The following FRMD3 variants were observed in gnomAD, a reference collection of about 807,000 sequenced individuals.
FRMD3 encodes FERM domain containing 3, also known as FERM domain-containing protein 3.
FRMD3 carries 33 observed loss-of-function variants against 70.2 expected under a neutral mutation model. The ratio of observed to expected loss-of-function variants is 0.47; its 90% CI spans 0.36 to 0.63. The LOEUF is 0.63. Ranked by LOEUF, FRMD3 falls within the 20% of genes least tolerant of loss-of-function variation. The probability of loss-of-function intolerance (pLI) is 0.00; values close to 1 mark genes in which losing one functional copy is unlikely to be tolerated. For missense variants in FRMD3, 632 were observed against 711.4 expected, an observed-to-expected ratio of 0.89 and a Z score of 1.27; for synonymous variants, 279 against 255.9, an observed-to-expected ratio of 1.09 and a Z score of -0.86.
At chr9:83,418,040 G>A (rs1826506934) in intron 1 of FRMD3, among the ~76,000 whole-genome samples, 1 of 151,268 alleles carries the variant, frequency 6.6e-6, no homozygotes, top group Non-Finnish European at 1.5e-5. Context: ...TGAACACCGT[G>A]CTTTTGAAGA....
At chr9:83,495,400 A>C (rs980927972) in intron 1 of FRMD3, among the ~76,000 whole-genome samples, 1 of 152,226 alleles carries the variant, frequency 6.6e-6, no homozygotes, top group Non-Finnish European at 1.5e-5. Flanking sequence ...AGACTGGAGC[A>C]GGTTAATAAA....
At chr9:83,571,354 C>A in the FRMD3 span, among the ~76,000 whole-genome samples, 2 of 152,320 alleles carry the variant, frequency 1.3e-5, no homozygotes, top group African/African-American at 2.4e-5. Context: ...AAATTAGCAT[C>A]TTTTCTTTAT....
chr9:83,449,244 C>T (rs529847244), intron 1 of FRMD3, among the ~76,000 whole-genome samples: 17 of 152,318 alleles, frequency 1.1e-4, no homozygotes, highest in Middle Eastern at 6.8e-3. Context: ...TGTTATTATC[C>T]ACATTTTACA....
intron 8 of FRMD3, among the ~76,000 whole-genome samples, chr9:83,311,652 C>T (rs1835361253): frequency 6.6e-6 from 1 of 151,988 alleles, no homozygotes; most frequent in Middle Eastern, 3.2e-3. Flanking sequence ...CACTGGATAC[C>T]TTCTCTTTGA....
intron 3 of FRMD3, 111 bp downstream of exon 3, chr9:83,372,802 C>G: frequency 1.0e-6 from 1 of 990,718 alleles, no homozygotes; most frequent in Non-Finnish European, 1.6e-6. Flanking sequence ...CCCCACACCC[C>G]CCAACACCTC....
chr9:83,484,686 G>A (rs1036188702), intron 1 of FRMD3, among the ~76,000 whole-genome samples: 3 of 152,192 alleles, frequency 2.0e-5, no homozygotes, highest in Admixed American at 2.0e-4. Flanking sequence ...TCAAAGTGCT[G>A]GGATTACATG....
intron 1 of FRMD3, among the ~76,000 whole-genome samples, chr9:83,402,898 C>CTTTTTTTTTTTTTTT (rs559570925): frequency 1.1e-4 from 10 of 87,298 alleles, no homozygotes; most frequent in African/African-American, 3.6e-4. Flanking sequence ...TTCTTTCTTT[C>CTTTTTTTTTTTTTTT]TTTTTTTTTT....
intron 1 of FRMD3, among the ~76,000 whole-genome samples, chr9:83,454,307 A>T (rs1827754537): frequency 6.6e-6 from 1 of 152,226 alleles, no homozygotes; most frequent in Non-Finnish European, 1.5e-5. Flanking sequence ...TTATTCTACC[A>T]CTGCCAGTGG....
Position 83,247,120 on chromosome 9 carries a change from T to C in FRMD3, c.*798A>G. ...AAAATAACAAGTCCTCTTGTCCAAA[T>C]ACTTTGAAAAATGGACCACCCTGAG... On this transcript the variant is annotated 3_prime_UTR_variant, in exon 14 of 14. Coordinates refer to ENST00000304195, the MANE Select transcript of FRMD3 (RefSeq NM_174938.6). The C allele has an allele frequency of 1.0e-6, 1 of 985,412 alleles. No individual in the cohort carries two copies. Among genetic ancestry groups the C allele is most frequent in the Non-Finnish European group, 1.2e-6 (1 of 829,928 alleles). The allele number at this position is 985,412 out of a possible 1,614,324, so 61.0% of individuals were successfully genotyped here.
intron 13 of FRMD3, among the ~76,000 whole-genome samples, chr9:83,281,000 T>C (rs1467521036): frequency 6.6e-6 from 1 of 152,142 alleles, no homozygotes; most frequent in Non-Finnish European, 1.5e-5. Context: ...GAACCTTGCC[T>C]GTATTGCCTC....
chr9:83,528,638 T>A (rs577334590), intron 1 of FRMD3, among the ~76,000 whole-genome samples: 20 of 152,126 alleles, frequency 1.3e-4, no homozygotes, highest in African/African-American at 4.3e-4. Flanking sequence ...TAAGCAATCC[T>A]CCCACCTCAG....
chr9:83,491,546 C>T (rs1157240963), intron 1 of FRMD3, among the ~76,000 whole-genome samples: 1 of 152,130 alleles, frequency 6.6e-6, no homozygotes, highest in Non-Finnish European at 1.5e-5. Context: ...GCCCAGGGGT[C>T]AGCATAGGGC....
chr9:83,423,093 A>G (rs947790938), intron 1 of FRMD3, among the ~76,000 whole-genome samples: 1 of 152,218 alleles, frequency 6.6e-6, no homozygotes, highest in Non-Finnish European at 1.5e-5. Context: ...ACCAATTTCG[A>G]TATTTTGAAG....
At chr9:83,541,750 G>C (rs538735361), upstream of FRMD3, among the ~76,000 whole-genome samples, 21 of 152,274 alleles carry the variant, frequency 1.4e-4, no homozygotes, top group South Asian at 2.7e-3. Flanking sequence ...TGGTACCCAA[G>C]TAGACTTCAG....
chr9:83,269,038 G>A (rs1294822991), intron 13 of FRMD3, among the ~76,000 whole-genome samples: 1 of 152,192 alleles, frequency 6.6e-6, no homozygotes, highest in African/African-American at 2.4e-5. Flanking sequence ...AATGGTTCTT[G>A]AAGAACTACT....
At chr9:83,267,721 T>C (rs1282930130) in intron 13 of FRMD3, among the ~76,000 whole-genome samples, 2 of 152,224 alleles carry the variant, frequency 1.3e-5, no homozygotes, top group African/African-American at 4.8e-5. Context: ...TATCAAAATT[T>C]ATTAATAATT....
In FRMD3 at chr9:83,246,390, C is replaced by T. The variant is rs1158157720; in HGVS notation, c.*1528G>A. 4 of 984,850 alleles carry T rather than the reference C, an allele frequency of 4.1e-6. No homozygotes were observed. The highest frequency in any genetic ancestry group is 3.6e-6 in the Non-Finnish European group (3 of 829,568). 61.0% of individuals were successfully genotyped at this position (984,850 alleles called of 1,614,324 possible). ...CAATGCTCTAGTACCTTCCTTGATA[C>T]CATTAAATTGTTGGATTAAATCCTT... On this transcript the variant is annotated 3_prime_UTR_variant, in exon 14 of 14. Transcript: ENST00000304195.
rs915339784 is a variant in FRMD3, at chr9:83,471,720, G to T, written c.147+66365C>A. 2.0e-5 allele frequency among the ~76,000 whole-genome samples: 3 copies of T among 152,232 alleles called. No individual in the cohort carries two copies. In the East Asian group the frequency reaches 5.8e-4, roughly 29 times the overall value. ...CTAGATGGTCTCTGAGAAGACCTGGGAGGTTTATTTTACCAACAGAAACAT... is the reference window on the plus strand; with the variant it reads ...CTAGATGGTCTCTGAGAAGACCTGGTAGGTTTATTTTACCAACAGAAACAT... On this transcript the variant is annotated intron_variant, in intron 1 of 13. Coordinates refer to ENST00000304195, the MANE Select transcript of FRMD3 (RefSeq NM_174938.6).
chr9:83,343,415 C>T (rs763334108), intron 4 of FRMD3, 128 bp from the exon 5 acceptor site: 95 of 645,374 alleles, frequency 1.5e-4, no homozygotes, highest in Non-Finnish European at 2.5e-4. Context: ...TTAGACATGC[C>T]CAGCCCTTTG....
Sources: gnomAD v4.1 joint callset for allele counts (sites outside exome capture counted in the v4.1 genomes callset) on GRCh38, gnomAD v4.1.1 for gene constraint, MANE v1.5 for transcripts, NCBI Gene and HGNC (gene_info 2026-07-23, HGNC 2026-07-21) for gene names.